CD163: variants seen among roughly 807,000 people sequenced by gnomAD.
CD163 encodes CD163 molecule.
In CD163, 64 loss-of-function variants were observed where a neutral mutation model predicts 129.2. The observed-to-expected ratio is 0.50, with a 90% confidence interval of 0.41 to 0.61. The LOEUF is 0.61. CD163 is among the 20% of genes least tolerant of loss of function. The pLI is 0.00. For synonymous variants in CD163, 446 were observed against 478.5 expected, an observed-to-expected ratio of 0.93 and a Z score of 0.89; for missense variants, 1,061 against 1,377.9, an observed-to-expected ratio of 0.77 and a Z score of 3.64.
At chr12:7,493,816 A>G (rs1250004451) in intron 6 of CD163, among the ~76,000 whole-genome samples, 1 of 152,150 alleles carries the variant, frequency 6.6e-6, no homozygotes, top group Non-Finnish European at 1.5e-5. Flanking sequence ...AGTAACATTA[A>G]TTTTTTAAAA....
At chr12:7,494,998 A>G (rs1949379994) in intron 6 of CD163, 83 bp downstream of exon 6, 1 of 1,043,816 alleles carries the variant, frequency 9.6e-7, no homozygotes, top group Non-Finnish European at 1.5e-6. Flanking sequence ...ATCTAGTCAT[A>G]AGGACCAATG....
chr12:7,491,442 CT>C (rs1457075890), intron 6 of CD163, among the ~76,000 whole-genome samples: 2 of 151,744 alleles, frequency 1.3e-5, no homozygotes, highest in Non-Finnish European at 2.9e-5. Context: ...TGCTAAGTCT[CT>C]GACTGTGTTT....
intron 15 of CD163, 151 bp downstream of exon 15, chr12:7,481,010 A>G (rs1949154595): frequency 7.4e-7 from 1 of 1,354,954 alleles, no homozygotes; most frequent in Non-Finnish European, 9.5e-7. Flanking sequence ...TCCAAGAATA[A>G]TTTTCAGTCA....
At chr12:7,493,483 T>C (rs1949352765) in intron 6 of CD163, among the ~76,000 whole-genome samples, 1 of 152,216 alleles carries the variant, frequency 6.6e-6, no homozygotes, top group Non-Finnish European at 1.5e-5. Context: ...AAAACAGCCT[T>C]AAACTGCTTA....
chr12:7,503,607 A>T, intron 1 of CD163, 38 bp downstream of exon 1: 1 of 1,368,722 alleles, frequency 7.3e-7, no homozygotes, highest in Non-Finnish European at 1.0e-6. Flanking sequence ...TACATACCCC[A>T]TTAAAGGGGA....
In CD163 at chr12:7,486,904, C is replaced by T; in HGVS notation, c.2133G>A (p.Val711=). 6.2e-7 allele frequency: 1 copy of T among 1,613,848 alleles called. No individual in the cohort carries two copies. The highest frequency in any genetic ancestry group is 8.5e-7 in the Non-Finnish European group (1 of 1,179,770). The change falls in exon 9 of 17, where the codon GTG becomes GTA. Residue 711 remains valine (V), a synonymous_variant. Transcript: ENST00000432237. ...GTCACAGAGTCTTACCTATGCAGGCCACAGCACTTTCTTCTGGAATGGTAG... is the reference window on the plus strand; with the variant it reads ...GTCACAGAGTCTTACCTATGCAGGCTACAGCACTTTCTTCTGGAATGGTAG... ...TRPTIPEESA[V]ACIESGQLRL... is the part of the protein sequence containing the mutation.
intron 5 of CD163, 72 bp from the exon 6 acceptor site, chr12:7,495,473 T>C (rs1949387859): frequency 7.9e-6 from 11 of 1,386,104 alleles, no homozygotes; most frequent in Non-Finnish European, 9.9e-6. Flanking sequence ...TTTTTTGTCT[T>C]TTTTCTTCTC....
Position 7,485,461 on chromosome 12 carries a change from A to T in CD163, c.2459-45T>A. On this transcript the variant is annotated intron_variant, in intron 10 of 16. Coordinates refer to ENST00000432237, the MANE Select transcript of CD163 (RefSeq NM_203416.4). This position sits in a 1 kb window ranked among gnomAD's most constrained non-coding sequence, Gnocchi z 4.5. ...TAGTAGTTTTGCATCTTTTCTGAAG[A>T]TTCAGAGACTCCTTCCCTTTACCTT... is the stretch of plus-strand genomic sequence containing the variant. 3 of 1,472,834 alleles carry T rather than the reference A, an allele frequency of 2.0e-6. No homozygotes were observed. Among genetic ancestry groups the T allele is most frequent in the Non-Finnish European group, 2.8e-6 (3 of 1,063,356 alleles). The allele number at this position is 1,472,834 out of a possible 1,614,324, so 91.2% of individuals were successfully genotyped here.
intron 3 of CD163, among the ~76,000 whole-genome samples, chr12:7,500,219 G>C (rs888208532): frequency 1.3e-5 from 2 of 151,726 alleles, no homozygotes; most frequent in African/African-American, 4.8e-5. Flanking sequence ...TCAGGAGTTC[G>C]AGACCAGCCT....
At chr12:7,472,745 G>A (rs1289813293) in intron 16 of CD163, among the ~76,000 whole-genome samples, 2 of 152,168 alleles carry the variant, frequency 1.3e-5, no homozygotes, top group Admixed American at 6.5e-5. Context: ...GACAGAAGTG[G>A]GCTTCAGAAG....
At position 7,476,512 on chromosome 12, in the gene CD163, G is replaced by T. The variant is rs566983060; in HGVS notation, c.*31+3348C>A. Among the ~76,000 whole-genome samples the T allele has an allele frequency of 8.7e-4, 132 of 152,260 alleles. 2 individuals are homozygous for T. The highest frequency in any genetic ancestry group is 3.5e-3 in the South Asian group (17 of 4,824). On this transcript the variant is annotated intron_variant, in intron 16 of 16. Transcript: ENST00000432237. Reference sequence around the variant, plus strand: ...AAGGATTCCCTATTCAATAAATGGCGCTGGGAAAATTGGCTAACCATATGC... The same window carrying T: ...AAGGATTCCCTATTCAATAAATGGCTCTGGGAAAATTGGCTAACCATATGC...
chr12:7,494,768 A>AT (rs1052610824), intron 6 of CD163, among the ~76,000 whole-genome samples: 29 of 152,170 alleles, frequency 1.9e-4, no homozygotes, highest in Admixed American at 5.2e-4. Context: ...TAACATGGTT[A>AT]TTTTTTAAAT....
intron 16 of CD163, among the ~76,000 whole-genome samples, chr12:7,473,407 G>T (rs1449105693): frequency 6.6e-6 from 1 of 152,108 alleles, no homozygotes; most frequent in African/African-American, 2.4e-5. Flanking sequence ...AGAAGAGAGT[G>T]GGGGCCAATA....
intron 3 of CD163, 119 bp from the exon 4 acceptor site, chr12:7,499,307 G>A: frequency 1.2e-6 from 1 of 823,864 alleles, no homozygotes. Flanking sequence ...GCCTGATTTT[G>A]GACATTGCCC....
Position 7,496,952 on chromosome 12 carries a change from G to A in CD163, c.960C>T (p.Asn320=), listed in dbSNP as rs138251842. The change falls in exon 5 of 17, where the codon AAC becomes AAT. Residue 320 remains asparagine (N), a synonymous_variant. Coordinates refer to ENST00000432237, the MANE Select transcript of CD163 (RefSeq NM_203416.4). The surrounding 1 kb of genome is among the most constrained non-coding windows in gnomAD (Gnocchi z 4.8). ...AGATGTGTCCAAATCCCTTACTGGCGTTAACTCGACCAATGGCTGTGACGG... is the reference window on the plus strand; with the variant it reads ...AGATGTGTCCAAATCCCTTACTGGCATTAACTCGACCAATGGCTGTGACGG... ...PTAVTAIGRV[N]ASKGFGHIWL... is the part of the protein sequence containing the mutation. 915 of 1,614,058 alleles carry A rather than the reference G, an allele frequency of 5.7e-4. No individual in the cohort carries two copies. In the Middle Eastern group the frequency reaches 0.014, roughly 24 times the overall value.
In CD163 at chr12:7,503,656, G is replaced by C; in HGVS notation, c.35C>G (p.Ser12Cys). The C allele has an allele frequency of 6.2e-7, 1 of 1,601,446 alleles. No homozygotes were observed. Among genetic ancestry groups the C allele is most frequent in the Non-Finnish European group, 8.5e-7 (1 of 1,170,880 alleles). Residue 12 changes from serine (S) to cysteine (C), a missense_variant, in exon 1 of 17, where the codon TCT becomes TGT. Transcript: ENST00000432237. ...SKLRMVLLED[S>C]GSADFRRHFV... ...TGAGAAGCTTTTACCAGCAGATCCA[G>C]AGTCTTCAAGTAGCACCATTCTGAG...
intron 16 of CD163, among the ~76,000 whole-genome samples, chr12:7,479,262 T>C (rs1177674605): frequency 6.6e-6 from 1 of 152,192 alleles, no homozygotes; most frequent in Non-Finnish European, 1.5e-5. Context: ...TAGTAGATTT[T>C]ATCTCTATCT....
intron 6 of CD163, among the ~76,000 whole-genome samples, chr12:7,493,496 T>TA (rs1262805882): frequency 6.6e-6 from 1 of 152,202 alleles, no homozygotes; most frequent in Non-Finnish European, 1.5e-5. Flanking sequence ...ACTGCTTATC[T>TA]ATTTGACTAA....
At chr12:7,483,825 G>GTATA (rs746624782) in intron 11 of CD163, 150 bp from the exon 12 acceptor site, 4,865 of 68,430 alleles carry the variant, frequency 0.071, 247 homozygotes, top group East Asian at 0.086. Flanking sequence ...ATATATATAT[G>GTATA]TATATATATA....
Sources: gnomAD v4.1 joint callset for allele counts (sites outside exome capture counted in the v4.1 genomes callset) on GRCh38, gnomAD v4.1.1 for gene constraint, Gnocchi (gnomAD v3.1) non-coding constraint, MANE v1.5 for transcripts, NCBI Gene and HGNC (gene_info 2026-07-23, HGNC 2026-07-21) for gene names.